The following MYOM2 variants were observed in gnomAD, a reference collection of about 807,000 sequenced individuals.
The protein encoded by MYOM2 is myomesin 2, also known as myomesin-2.
MYOM2 carries 254 observed loss-of-function variants against 187.6 expected under a neutral mutation model. That is an observed-to-expected ratio of 1.35 (90% CI 1.22 to 1.50). MYOM2 has a LOEUF of 1.50. Ranked by LOEUF, MYOM2 falls within the 40% of genes most tolerant of loss-of-function variation. The pLI is 0.00. For synonymous variants in MYOM2, 981 were observed against 753.8 expected (o/e 1.30, Z -4.94); for missense variants, 2,796 against 1,924.0 (o/e 1.45, Z -8.48).
intron 10 of MYOM2, among the ~76,000 whole-genome samples, chr8:2,075,034 A>G (rs1819370499): frequency 6.6e-6 from 1 of 152,210 alleles, no homozygotes; most frequent in Admixed American, 6.5e-5. Context: ...GCATCCATAC[A>G]TCTTCATGAT....
intron 28 of MYOM2, among the ~76,000 whole-genome samples, chr8:2,122,732 T>G (rs538121458): frequency 6.6e-6 from 1 of 152,228 alleles, no homozygotes; most frequent in Non-Finnish European, 1.5e-5. Flanking sequence ...AAGCTTAGTT[T>G]CTAGCCAGCG....
intron 28 of MYOM2, 48 bp from the exon 29 acceptor site, chr8:2,123,204 A>G (rs762330369): frequency 3.2e-6 from 4 of 1,252,046 alleles, no homozygotes; most frequent in Middle Eastern, 1.9e-4. Flanking sequence ...TCTTTTTCTC[A>G]TGAGTCAGAA....
At chr8:2,078,362 A>G (rs1819506140) in intron 11 of MYOM2, among the ~76,000 whole-genome samples, 1 of 152,196 alleles carries the variant, frequency 6.6e-6, no homozygotes, top group Admixed American at 6.5e-5. Flanking sequence ...GCCGCAGCTT[A>G]GGGGTGCCGT....
intron 30 of MYOM2, 31 bp from the exon 31 acceptor site, chr8:2,124,148 C>T (rs367950752): frequency 9.4e-5 from 151 of 1,600,212 alleles, no homozygotes; most frequent in Admixed American, 5.1e-4. Context: ...AGTTACATGT[C>T]GTAATGGTGC....
intron 10 of MYOM2, among the ~76,000 whole-genome samples, chr8:2,075,133 T>A (rs1323140182): frequency 6.6e-6 from 1 of 152,174 alleles, no homozygotes; most frequent in Non-Finnish European, 1.5e-5. Flanking sequence ...AGAGAAGAAA[T>A]GTCAACCAAA....
chr8:2,068,635 G>A (rs1199213659), intron 6 of MYOM2, among the ~76,000 whole-genome samples: 1 of 152,244 alleles, frequency 6.6e-6, no homozygotes, highest in African/African-American at 2.4e-5. Flanking sequence ...TTCAATGCAC[G>A]TGTGCACCAG....
intron 25 of MYOM2, among the ~76,000 whole-genome samples, chr8:2,111,710 G>A (rs1178174783): frequency 1.3e-5 from 2 of 152,120 alleles, no homozygotes; most frequent in African/African-American, 2.4e-5. Flanking sequence ...CTCCAGGGAC[G>A]GGGACAAAGT....
rs1349792343 is a variant in MYOM2 at position 2,057,617 on chromosome 8, G to C, written c.403-6G>C. 6.2e-7 allele frequency: 1 copy of C among 1,613,982 alleles called. No homozygotes were observed. Among genetic ancestry groups the C allele is most frequent in the South Asian group, 1.1e-5 (1 of 91,034 alleles). On this transcript the variant is annotated splice_polypyrimidine_tract_variant and splice_region_variant and intron_variant, in intron 4 of 36. Transcript: ENST00000262113. ...GGAACCTGACCATCCTTGCTTCTCG[G>C]GGCAGATGGAGGACAAGCTGGCCTG...
At chr8:2,075,024 G>A (rs578235263) in intron 10 of MYOM2, among the ~76,000 whole-genome samples, 4 of 152,360 alleles carry the variant, frequency 2.6e-5, no homozygotes, top group South Asian at 2.1e-4. Flanking sequence ...GGTGCAGGAC[G>A]CATCCATACA....
At chr8:2,095,128 G>A (rs189278928) in intron 17 of MYOM2, among the ~76,000 whole-genome samples, 1 of 152,228 alleles carries the variant, frequency 6.6e-6, no homozygotes, top group Non-Finnish European at 1.5e-5. Flanking sequence ...TAATGATATT[G>A]CTGTTGGATT....
intron 32 of MYOM2, 92 bp downstream of exon 32, chr8:2,129,324 G>A (rs995471349): frequency 8.0e-6 from 6 of 747,198 alleles, no homozygotes; most frequent in South Asian, 7.2e-5. Context: ...GGAACATCAA[G>A]GCACTGCCAT....
intron 32 of MYOM2, among the ~76,000 whole-genome samples, chr8:2,134,555 C>T (rs1797998903): frequency 7.0e-6 from 1 of 142,516 alleles, no homozygotes; most frequent in African/African-American, 2.8e-5. Flanking sequence ...ATCTGGCCTT[C>T]AGCACTGATT....
At chr8:2,122,363 G>C (rs1475399122) in intron 28 of MYOM2, among the ~76,000 whole-genome samples, 2 of 152,330 alleles carry the variant, frequency 1.3e-5, no homozygotes, top group East Asian at 3.9e-4. Flanking sequence ...TGTGTGCCAG[G>C]CAGGCAGCCA....
chr8:2,092,337 T>C lies in MYOM2; in HGVS notation c.1829-9T>C, dbSNP rs1463325513. The C allele has an allele frequency of 1.9e-6, 3 of 1,613,262 alleles. No homozygotes were observed. The highest frequency in any genetic ancestry group is 1.3e-5 in the African/African-American group (1 of 74,922). ...CCATTTCACCACTCCTTTTGTCTCC[T>C]ACGAAAAGTTGTCCCTTCTGCTCCG... On this transcript the variant is annotated splice_polypyrimidine_tract_variant and intron_variant, in intron 15 of 36. Coordinates refer to ENST00000262113, the MANE Select transcript of MYOM2 (RefSeq NM_003970.4).
chr8:2,049,003 G>A (rs1818397510), intron 1 of MYOM2, among the ~76,000 whole-genome samples: 1 of 151,994 alleles, frequency 6.6e-6, no homozygotes, highest in Admixed American at 6.6e-5. Context: ...ATCTTAGCCA[G>A]GGTAGTCTCA....
chr8:2,116,214 A>C lies in MYOM2; in HGVS notation c.3326-2A>C. ...ATATATTTTTTTAAATATTGAATTT[A>C]GCATTCAAGACTGTGCTGGAAGAGG... On this transcript the variant is annotated splice_acceptor_variant, in intron 26 of 36. Transcript: ENST00000262113. LOFTEE classifies it high-confidence loss of function. 6.2e-7 allele frequency: 1 copy of C among 1,601,928 alleles called. No homozygotes were observed. Among genetic ancestry groups the C allele is most frequent in the East Asian group, 2.2e-5 (1 of 44,604 alleles).
intron 15 of MYOM2, among the ~76,000 whole-genome samples, chr8:2,090,664 A>G (rs1343935278): frequency 1.3e-5 from 2 of 151,900 alleles, no homozygotes; most frequent in African/African-American, 2.4e-5. Flanking sequence ...ATTTCCATCT[A>G]TGTGTCCATG....
intron 15 of MYOM2, among the ~76,000 whole-genome samples, chr8:2,091,129 A>C (rs918442595): frequency 2.7e-5 from 4 of 148,086 alleles, no homozygotes; most frequent in Non-Finnish European, 5.9e-5. Flanking sequence ...TTTCTCTGCA[A>C]TGGTCACTTT....
At chr8:2,101,188 A>G (rs534574438) in intron 20 of MYOM2, 134 bp downstream of exon 20, 6 of 845,964 alleles carry the variant, frequency 7.1e-6, no homozygotes, top group Admixed American at 5.6e-5. Flanking sequence ...TCTACTAAAA[A>G]TACAAAAAAA....
Sources: allele counts gnomAD v4.1 joint callset (sites outside exome capture counted in the v4.1 genomes callset), GRCh38; gene constraint gnomAD v4.1.1; transcripts MANE v1.5; gene names NCBI Gene and HGNC (gene_info 2026-07-23, HGNC 2026-07-21).